The following STXBP4 variants were observed in gnomAD, a reference collection of about 807,000 sequenced individuals.
STXBP4 encodes the protein syntaxin-binding protein 4.
A neutral mutation model predicts 76.1 loss-of-function variants in STXBP4; 55 were observed. That is an observed-to-expected ratio of 0.72 (90% CI 0.58 to 0.91). The LOEUF is 0.91. Among genes scored for constraint, STXBP4 ranks in the 40% least tolerant of loss-of-function variants. The probability of loss-of-function intolerance (pLI) is 0.00; values close to 1 mark genes in which losing one functional copy is unlikely to be tolerated. For missense variants in STXBP4, 618 were observed against 636.9 expected (o/e 0.97, Z 0.32); for synonymous variants, 201 against 220.2 (o/e 0.91, Z 0.77).
intron 8 of STXBP4, among the ~76,000 whole-genome samples, chr17:55,009,149 T>A (rs1567716122): frequency 6.6e-6 from 1 of 152,190 alleles, no homozygotes; most frequent in Non-Finnish European, 1.5e-5. Flanking sequence ...ATTTTCCAAT[T>A]AATTAGATAC....
intron 16 of STXBP4, among the ~76,000 whole-genome samples, chr17:55,111,015 G>A (rs1302321931): frequency 6.6e-6 from 1 of 152,166 alleles, no homozygotes; most frequent in Admixed American, 6.5e-5. Flanking sequence ...AGAAGGGGGA[G>A]CAGCAGTGTG....
intron 8 of STXBP4, among the ~76,000 whole-genome samples, chr17:55,016,901 A>C (rs1158801644): frequency 6.6e-6 from 1 of 152,180 alleles, no homozygotes; most frequent in African/African-American, 2.4e-5. Context: ...GTTTCCTCTA[A>C]AAGTTACTTT....
intron 12 of STXBP4, among the ~76,000 whole-genome samples, chr17:55,050,174 C>T (rs1382193624): frequency 6.6e-6 from 1 of 151,822 alleles, no homozygotes; most frequent in Non-Finnish European, 1.5e-5. Flanking sequence ...ATAAAAGTAA[C>T]TCAGTAAGTT....
rs116234709 is a variant in STXBP4, at chr17:55,087,356, C to T, written c.1489+6173C>T. Among the ~76,000 whole-genome samples the T allele has an allele frequency of 9.8e-3, 1,498 of 152,206 alleles. 20 individuals carry two copies. The highest frequency in any genetic ancestry group is 0.034 in the African/African-American group (1,396 of 41,510). ...ATAAAATCTTTTCCCAGACCATTGT[C>T]TTGAAGTGTTTCCCCTATTTTTTTC... On this transcript the variant is annotated intron_variant, in intron 16 of 17. Coordinates refer to ENST00000376352, the MANE Select transcript of STXBP4 (RefSeq NM_178509.6).
intron 12 of STXBP4, among the ~76,000 whole-genome samples, chr17:55,064,578 C>T (rs1436462977): frequency 6.6e-6 from 1 of 152,148 alleles, no homozygotes; most frequent in East Asian, 1.9e-4. Context: ...ACTGCAACCT[C>T]CAGCTCCCGG....
intron 7 of STXBP4, among the ~76,000 whole-genome samples, chr17:55,001,826 G>A (rs893597868): frequency 3.9e-5 from 6 of 152,098 alleles, no homozygotes; most frequent in Admixed American, 6.6e-5. Context: ...TAGAGATGGC[G>A]TTTCACCATG....
intron 13 of STXBP4, among the ~76,000 whole-genome samples, chr17:55,075,322 G>A (rs1212566374): frequency 2.6e-5 from 4 of 151,810 alleles, no homozygotes; most frequent in African/African-American, 9.7e-5. Flanking sequence ...TTCTTCACTC[G>A]ACATTTTGTT....
intron 16 of STXBP4, among the ~76,000 whole-genome samples, chr17:55,092,987 GTTTGTTTTTTGTTT>G (rs879446756): frequency 9.7e-6 from 1 of 102,842 alleles, no homozygotes; most frequent in African/African-American, 3.9e-5. Flanking sequence ...TTTGTTTTTT[GTTTGTTTTTTGTTT>G]TTTGTTTTTT....
At position 54,990,913 on chromosome 17, in the gene STXBP4, T is replaced by C; in HGVS notation, c.136T>C (p.Leu46=). ...AGGAATTAACCGGAATGAAGGCCCA[T>C]TGGTATATATTCAGGAAATTATTCC... The part of the protein sequence containing the change: ...LGGINRNEGP[L]VYIQEIIPGG... Residue 46 remains leucine (L), a synonymous_variant, in exon 4 of 18, where the codon TTG becomes CTG. Coordinates refer to ENST00000376352, the MANE Select transcript of STXBP4 (RefSeq NM_178509.6). 6.2e-7 allele frequency: 1 copy of C among 1,603,782 alleles called. No homozygotes were observed. Among genetic ancestry groups the C allele is most frequent in the Non-Finnish European group, 8.5e-7 (1 of 1,176,742 alleles).
chr17:55,012,288 G>A (rs147519686), intron 8 of STXBP4, among the ~76,000 whole-genome samples: 9 of 152,198 alleles, frequency 5.9e-5, no homozygotes, highest in Non-Finnish European at 1.3e-4. Flanking sequence ...TCCTCATGAG[G>A]TTCCCCATTC....
intron 5 of STXBP4, 68 bp downstream of exon 5, chr17:54,999,519 T>TAATA: frequency 6.8e-7 from 1 of 1,467,172 alleles, no homozygotes; most frequent in Non-Finnish European, 9.4e-7. Flanking sequence ...TAATTTAAGA[T>TAATA]GTATTAAGTA....
intron 9 of STXBP4, among the ~76,000 whole-genome samples, chr17:55,032,246 GA>G (rs149577794): frequency 0.026 from 3,938 of 151,356 alleles, 172 homozygotes; most frequent in East Asian, 0.22. Context: ...CTGTATTGCT[GA>G]AAAAAAATTG....
At position 55,047,140 on chromosome 17, in the gene STXBP4, C is replaced by T; in HGVS notation, c.997C>T (p.Gln333Ter). 1 of 1,604,814 alleles carries T rather than the reference C, an allele frequency of 6.2e-7. No homozygotes were observed. Among genetic ancestry groups the T allele is most frequent in the Non-Finnish European group, 8.5e-7 (1 of 1,173,582 alleles). The change falls in exon 12 of 18, where the codon CAG (glutamine) becomes TAG (stop). Residue 333 changes from glutamine (Q) to a stop codon, truncating the protein, a stop_gained. Coordinates refer to ENST00000376352, the MANE Select transcript of STXBP4 (RefSeq NM_178509.6). LOFTEE classifies it high-confidence loss of function. ...AAGGAAACAATTGACAGAAGAGCTC[C>T]AGAATGTGAAACAAGTAAGTATATG... ...KQRKQLTEEL[Q>*]NVKQEAKAVV... is the part of the protein sequence containing the mutation.
At chr17:55,029,742 A>G (rs2078474634) in intron 8 of STXBP4, among the ~76,000 whole-genome samples, 1 of 152,046 alleles carries the variant, frequency 6.6e-6, no homozygotes, top group Non-Finnish European at 1.5e-5. Context: ...GTGTATTAAT[A>G]TACCCTATAC....
intron 1 of STXBP4, among the ~76,000 whole-genome samples, chr17:54,976,035 T>C (rs1440545317): frequency 6.6e-6 from 1 of 152,242 alleles, no homozygotes. Context: ...ACCACTAGAA[T>C]GTAAATACCA....
At chr17:55,039,697 T>C (rs1437943576) in intron 10 of STXBP4, among the ~76,000 whole-genome samples, 1 of 152,000 alleles carries the variant, frequency 6.6e-6, no homozygotes. Flanking sequence ...TCAGTAGGAC[T>C]TGCTGACCCT....
intron 1 of STXBP4, among the ~76,000 whole-genome samples, chr17:54,969,479 C>G (rs906952796): frequency 6.6e-6 from 1 of 152,210 alleles, no homozygotes; most frequent in African/African-American, 2.4e-5. Context: ...TTACCCGGGT[C>G]CTCACCATGG....
At chr17:55,076,412 G>C (rs1252012353) in intron 13 of STXBP4, among the ~76,000 whole-genome samples, 1 of 152,066 alleles carries the variant, frequency 6.6e-6, no homozygotes, top group Non-Finnish European at 1.5e-5. Flanking sequence ...CATTTTATTT[G>C]TCTGAAGAAC....
At chr17:54,972,733 T>C (rs2077418551) in intron 1 of STXBP4, among the ~76,000 whole-genome samples, 1 of 152,214 alleles carries the variant, frequency 6.6e-6, no homozygotes, top group Non-Finnish European at 1.5e-5. Flanking sequence ...CTAGAAGTGT[T>C]CATTACTAGC....
Sources: gnomAD v4.1 joint callset for allele counts (sites outside exome capture counted in the v4.1 genomes callset) on GRCh38, gnomAD v4.1.1 for gene constraint, MANE v1.5 for transcripts, NCBI Gene and HGNC (gene_info 2026-07-23, HGNC 2026-07-21) for gene names.